The following PPFIA4 variants were observed in gnomAD, a reference collection of about 807,000 sequenced individuals.
The protein encoded by PPFIA4 is PPFI scaffold protein A4.
Under a neutral mutation model 145.7 loss-of-function variants are expected in PPFIA4, and 98 were observed. The ratio of observed to expected loss-of-function variants is 0.67; its 90% CI spans 0.57 to 0.80. The LOEUF is 0.80. PPFIA4 is among the 30% of genes least tolerant of loss of function. The pLI, the probability that PPFIA4 is intolerant of heterozygous loss-of-function variation, is 0.00. For synonymous variants in PPFIA4, 628 were observed against 649.6 expected, an observed-to-expected ratio of 0.97 and a Z score of 0.51; for missense variants, 1,457 against 1,632.7, an observed-to-expected ratio of 0.89 and a Z score of 1.85.
chr1:203,039,045 C>CCAG lies in PPFIA4; in HGVS notation c.37_38insCAG (p.Arg13delinsProGly). On this transcript the variant is annotated protein_altering_variant, in exon 2 of 30. Transcript: ENST00000295706. ...GATGCCCACAATCAATGAGGGGGAC[C>CCAG]GCCTGGGTCCCCCTCATGGCGCCGA... The CCAG allele has an allele frequency of 7.6e-6, 12 of 1,577,984 alleles. No homozygotes were observed. Among genetic ancestry groups the CCAG allele is most frequent in the Non-Finnish European group, 9.5e-6 (11 of 1,163,550 alleles).
chr1:203,035,602 C>CT (rs1659187168), intron 1 of PPFIA4: 1 of 456,720 alleles, frequency 2.2e-6, no homozygotes, highest in Non-Finnish European at 4.4e-6. Context: ...CAAATGCTTG[C>CT]TTTGGGGACT....
At chr1:203,072,472 A>G (rs1662240249) in intron 28 of PPFIA4, among the ~76,000 whole-genome samples, 2 of 152,200 alleles carry the variant, frequency 1.3e-5, no homozygotes, top group South Asian at 4.1e-4. Context: ...CCCCTTTGAG[A>G]TGCCAACCTA....
chr1:203,069,755 A>ACCCTCCCCCC (rs1553260595), intron 27 of PPFIA4, among the ~76,000 whole-genome samples: 71 of 104,762 alleles, frequency 6.8e-4, no homozygotes, highest in Non-Finnish European at 1.0e-3. Context: ...TTCTGCAGTG[A>ACCCTCCCCCC]CCCCCCCGCC....
intron 1 of PPFIA4, among the ~76,000 whole-genome samples, chr1:203,029,087 G>T (rs149835383): frequency 6.6e-6 from 1 of 152,110 alleles, no homozygotes; most frequent in African/African-American, 2.4e-5. Flanking sequence ...AAACAGCAGT[G>T]GGGGAAGGAG....
At position 203,059,644 on chromosome 1, in the gene PPFIA4, A is replaced by G. The variant is rs1661222154; in HGVS notation, c.2502-126A>G. The G allele has an allele frequency of 4.0e-6, 3 of 752,688 alleles. No individual in the cohort carries two copies. In the Admixed American group the frequency reaches 6.1e-5, roughly 15 times the overall value. The allele number at this position is 752,688 out of a possible 1,614,324, so 46.6% of individuals were successfully genotyped here. On this transcript the variant is annotated intron_variant, in intron 20 of 29. Transcript: ENST00000295706. ...AGAGGAAGAAGGAAGAGCAGAGCAG[A>G]GGAAGTCCAGGGTGGGGAGCAAGGG...
Position 203,045,437 on chromosome 1 carries a change from C to T in PPFIA4, c.736C>T (p.Arg246Trp), listed in dbSNP as rs1245795213. ...GCAGAACTTTGAGTTGAGCCAGGCCCGGGAGCGACTGGTCACCCTAACAAC... is the reference window on the plus strand; with the variant it reads ...GCAGAACTTTGAGTTGAGCCAGGCCTGGGAGCGACTGGTCACCCTAACAAC... ...EKQNFELSQARERLVTLTTTV... is the reference protein window; with the variant it reads ...EKQNFELSQAWERLVTLTTTV... The change falls in exon 7 of 30, where the codon CGG becomes TGG. Residue 246 changes from arginine (R) to tryptophan (W), a missense_variant. This residue lies in a region of PPFIA4 where 463 missense variants were observed against 459.8 expected (regional missense o/e 1.01). Coordinates refer to ENST00000295706, the MANE Select transcript of PPFIA4 (RefSeq NM_001304331.2). The T allele has an allele frequency of 9.9e-6, 16 of 1,609,360 alleles. No homozygotes were observed. In the East Asian group the frequency reaches 1.1e-4, roughly 11 times the overall value.
Position 203,043,488 on chromosome 1 carries a change from A to C in PPFIA4, c.326A>C (p.Asn109Thr), listed in dbSNP as rs1428764494. 2 of 1,608,338 alleles carry C rather than the reference A, an allele frequency of 1.2e-6. No homozygotes were observed. Among genetic ancestry groups the C allele is most frequent in the Admixed American group, 3.4e-5 (2 of 59,294 alleles). The change falls in exon 3 of 30, where the codon AAT becomes ACT. Residue 109 changes from asparagine (N) to threonine (T), a missense_variant. Asn to Thr is a moderately conservative substitution (Grantham distance 65, BLOSUM62 0). Coordinates refer to ENST00000295706, the MANE Select transcript of PPFIA4 (RefSeq NM_001304331.2). The surrounding 1 kb of genome is among the most constrained non-coding windows in gnomAD (Gnocchi z 4.4). ...EEISELKAER[N>T]NTRLLLEHLE... ...ATATCAGAACTGAAAGCAGAACGGA[A>C]TAACACACGGGTAAGTGGGGATGAC...
chr1:203,070,585 CAAAAAAAAAAA>C (rs571325182), intron 27 of PPFIA4, among the ~76,000 whole-genome samples: 1 of 77,548 alleles, frequency 1.3e-5, no homozygotes, highest in African/African-American at 4.9e-5. Flanking sequence ...CTGTCTCCCT[CAAAAAAAAAAA>C]AAAAAAAAAA....
chr1:203,034,614 AG>A, intron 1 of PPFIA4: 1 of 456,574 alleles, frequency 2.2e-6, no homozygotes, highest in Non-Finnish European at 4.4e-6. Flanking sequence ...AGGGGCTGGG[AG>A]CAGAGATTTG....
chr1:203,039,114 G>A lies in PPFIA4; in HGVS notation c.106G>A (p.Glu36Lys), dbSNP rs1275968164. 1.1e-5 allele frequency: 18 copies of A among 1,607,958 alleles called. No homozygotes were observed. Among genetic ancestry groups the A allele is most frequent in the African/African-American group, 1.3e-5 (1 of 74,836 alleles). ...FEQLMVNMLD[E>K]REKLLESLRE... ...GCAGCTGATGGTGAACATGCTGGAC[G>A]AGCGGGAGAAGTTGCTGGAGTCTCT... The change falls in exon 2 of 30, where the codon GAG becomes AAG. Residue 36 changes from glutamate (E) to lysine (K), a missense_variant. Coordinates refer to ENST00000295706, the MANE Select transcript of PPFIA4 (RefSeq NM_001304331.2).
intron 1 of PPFIA4, chr1:203,034,817 A>C: frequency 2.5e-6 from 1 of 406,034 alleles, no homozygotes. Context: ...TGAAGTCTGA[A>C]GGAGTTGTCT....
At chr1:203,062,118 C>T (rs1661405040) in intron 24 of PPFIA4, among the ~76,000 whole-genome samples, 1 of 151,902 alleles carries the variant, frequency 6.6e-6, no homozygotes, top group African/African-American at 2.4e-5. Context: ...GAAAGCAAGC[C>T]CTCATGGAGG....
At chr1:203,064,724 C>T (rs1661614471) in intron 25 of PPFIA4, among the ~76,000 whole-genome samples, 1 of 152,250 alleles carries the variant, frequency 6.6e-6, no homozygotes, top group Admixed American at 6.5e-5. Flanking sequence ...TCTGTCAACA[C>T]ATTCTAGCAT....
Position 203,051,804 on chromosome 1 carries a change from C to T in PPFIA4, c.1547C>T (p.Ser516Phe). 1.9e-6 allele frequency: 3 copies of T among 1,613,798 alleles called. No individual in the cohort carries two copies. The highest frequency in any genetic ancestry group is 2.5e-6 in the Non-Finnish European group (3 of 1,179,836). Reference protein sequence around the residue: ...HMGSAADVRFSLGTTTHAPPG... With the variant: ...HMGSAADVRFFLGTTTHAPPG... The stretch of plus-strand genomic sequence containing the variant: ...GGCAGTGCAGCAGACGTGCGGTTCT[C>T]CCTGGGCACAACCACACACGCACCC... Residue 516 changes from serine (S) to phenylalanine (F), a missense_variant, in exon 14 of 30, where the codon TCC (serine) becomes TTC (phenylalanine). Around this residue, in one of 3 missense-constraint regions of PPFIA4, gnomAD observed 848 missense variants for 1,046.7 expected, o/e 0.81. Transcript: ENST00000295706.
rs548698456 is a variant in PPFIA4, at chr1:203,076,657, G to A, written c.*267G>A. 1 of 533,642 alleles carries A rather than the reference G, an allele frequency of 1.9e-6. No homozygotes were observed. The highest frequency in any genetic ancestry group is 2.1e-5 in the South Asian group (1 of 47,258). The allele number at this position is 533,642 out of a possible 1,614,324, so 33.1% of individuals were successfully genotyped here. ...GTTGTCCATGCTTGGGATTCTGGGG[G>A]AAGGAGAGAAGGGCAGCTCAGGGTG... On this transcript the variant is annotated 3_prime_UTR_variant, in exon 30 of 30. Transcript: ENST00000295706.
At chr1:203,065,068 A>T (rs1253544103) in intron 25 of PPFIA4, among the ~76,000 whole-genome samples, 1 of 152,206 alleles carries the variant, frequency 6.6e-6, no homozygotes, top group African/African-American at 2.4e-5. Flanking sequence ...AATCTTATAG[A>T]AAGTTAAATC....
At chr1:203,070,183 A>G (rs1316655069) in intron 27 of PPFIA4, among the ~76,000 whole-genome samples, 1 of 151,974 alleles carries the variant, frequency 6.6e-6, no homozygotes, top group Non-Finnish European at 1.5e-5. Flanking sequence ...TAGCAGGGAC[A>G]CCTCCCTATG....
intron 1 of PPFIA4, chr1:203,035,682 C>T (rs1357728507): frequency 4.4e-6 from 2 of 456,668 alleles, no homozygotes; most frequent in Non-Finnish European, 4.4e-6. Flanking sequence ...GAGGAGGCTT[C>T]TGTTAGGCTG....
In PPFIA4 at chr1:203,049,686, C is replaced by G; in HGVS notation, c.1430C>G (p.Ser477Cys). 2 of 1,500,256 alleles carry G rather than the reference C, an allele frequency of 1.3e-6. No individual in the cohort carries two copies. Among genetic ancestry groups the G allele is most frequent in the Non-Finnish European group, 1.8e-6 (2 of 1,116,730 alleles). The allele number at this position is 1,500,256 out of a possible 1,614,324, so 92.9% of individuals were successfully genotyped here. Residue 477 changes from serine (S) to cysteine (C), a missense_variant, in exon 13 of 30, where the codon TCT becomes TGT. Coordinates refer to ENST00000295706, the MANE Select transcript of PPFIA4 (RefSeq NM_001304331.2). ...GGTCTGCTGGCACAGGGCCGCCTGT[C>G]TGAAGAGATTGAGAAGCTGCGCCAA... The part of the protein sequence containing the change: ...EEQHHHKGRL[S>C]EEIEKLRQEV...
Sources: allele counts gnomAD v4.1 joint callset (sites outside exome capture counted in the v4.1 genomes callset), GRCh38; gene constraint gnomAD v4.1.1; regional missense constraint gnomAD v4.1.1; non-coding constraint Gnocchi (gnomAD v3.1); transcripts MANE v1.5; gene names NCBI Gene and HGNC (gene_info 2026-07-23, HGNC 2026-07-21).